DCAF6: variants seen among roughly 807,000 people sequenced by gnomAD.
DCAF6 encodes the protein DDB1 and CUL4 associated factor 6.
DCAF6 carries 54 observed loss-of-function variants against 125.1 expected under a neutral mutation model. The ratio of observed to expected loss-of-function variants is 0.43; its 90% confidence interval spans 0.35 to 0.54. The LOEUF (loss-of-function observed/expected upper bound fraction) is 0.54, where lower values mean the gene tolerates loss of function less well. Among genes scored for constraint, DCAF6 ranks in the 20% least tolerant of loss-of-function variants. The pLI is 0.01. For synonymous variants in DCAF6, 371 were observed against 390.4 expected, an observed-to-expected ratio of 0.95 and a Z score of 0.58; for missense variants, 934 against 1,161.7, an observed-to-expected ratio of 0.80 and a Z score of 2.85.
chr1:167,996,315 C>T (rs1018405507), intron 7 of DCAF6, among the ~76,000 whole-genome samples: 1 of 151,888 alleles, frequency 6.6e-6, no homozygotes, highest in African/African-American at 2.4e-5. Flanking sequence ...TTACCACCTG[C>T]CCTACCCCAT....
chr1:167,866,133 G>C, the DCAF6 span, among the ~76,000 whole-genome samples: 1 of 152,180 alleles, frequency 6.6e-6, no homozygotes, highest in Non-Finnish European at 1.5e-5. Context: ...TGGTATTGTG[G>C]TGGACCTTTA....
At chr1:167,870,510 G>C in the DCAF6 span, 1 of 1,110,916 alleles carries the variant, frequency 9.0e-7, no homozygotes, top group Non-Finnish European at 1.3e-6. Flanking sequence ...AAATATCCTT[G>C]GGCCAGGCGC....
chr1:167,971,789 A>T (rs1013911738), intron 3 of DCAF6, among the ~76,000 whole-genome samples: 3 of 152,246 alleles, frequency 2.0e-5, no homozygotes, highest in Non-Finnish European at 4.4e-5. Context: ...AGAATAACTC[A>T]TAATGCATTG....
chr1:167,980,037 T>TG (rs1284752376), intron 4 of DCAF6, among the ~76,000 whole-genome samples: 3 of 150,898 alleles, frequency 2.0e-5, no homozygotes, highest in Admixed American at 1.3e-4. Flanking sequence ...AAAAATTAGC[T>TG]GGATGTGGTG....
intron 1 of DCAF6, among the ~76,000 whole-genome samples, chr1:167,944,757 G>A (rs997476154): frequency 2.0e-5 from 3 of 152,116 alleles, no homozygotes; most frequent in Non-Finnish European, 4.4e-5. Context: ...AACAGGATTG[G>A]TTGTCTCTTC....
chr1:168,039,080 A>AT (rs1462696695), intron 13 of DCAF6, among the ~76,000 whole-genome samples: 1 of 151,804 alleles, frequency 6.6e-6, no homozygotes, highest in Non-Finnish European at 1.5e-5. Context: ...TTTGTTTACC[A>AT]TTTTTTACCA....
intron 10 of DCAF6, among the ~76,000 whole-genome samples, chr1:168,006,915 C>T (rs1683410098): frequency 6.6e-6 from 1 of 152,160 alleles, no homozygotes; most frequent in Admixed American, 6.5e-5. Flanking sequence ...TTCTCTTAGT[C>T]TACAGTGGAA....
At chr1:168,070,605 A>G (rs1239191015) in intron 21 of DCAF6, among the ~76,000 whole-genome samples, 4 of 152,212 alleles carry the variant, frequency 2.6e-5, no homozygotes, top group African/African-American at 4.8e-5. Flanking sequence ...CTCACCTGCT[A>G]AAGATTCTGG....
intron 16 of DCAF6, among the ~76,000 whole-genome samples, chr1:168,050,122 G>GA (rs1364515508): frequency 2.7e-5 from 4 of 149,664 alleles, no homozygotes; most frequent in Non-Finnish European, 1.5e-5. Context: ...ACATAGTCTT[G>GA]AATAGTTTTT....
the DCAF6 span, chr1:167,918,064 G>T: frequency 3.1e-6 from 1 of 326,588 alleles, no homozygotes. Context: ...AAGGAGGCAG[G>T]GGGTATATAC....
chr1:168,055,067 A>G lies in DCAF6; in HGVS notation c.2300+4134A>G, dbSNP rs1690461191. Among the ~76,000 whole-genome samples, 4 of 152,080 alleles carry G rather than the reference A, an allele frequency of 2.6e-5. No homozygotes were observed. In the South Asian group the frequency reaches 8.3e-4, roughly 32 times the overall value. ...ATTCAGAATTATAATGAGCATTTCC[A>G]ATGAACCATAAATACATGGAATTTA... On this transcript the variant is annotated intron_variant, in intron 17 of 21. Transcript: ENST00000367840.
At chr1:167,908,057 C>G in the DCAF6 span, among the ~76,000 whole-genome samples, 3 of 152,198 alleles carry the variant, frequency 2.0e-5, no homozygotes, top group Admixed American at 6.5e-5. Context: ...AATCCCACAT[C>G]TGGGTATATA....
intron 8 of DCAF6, 118 bp downstream of exon 8, chr1:168,002,693 A>G (rs943064008): frequency 4.5e-6 from 3 of 659,348 alleles, no homozygotes; most frequent in Non-Finnish European, 7.3e-6. Context: ...ACATATAGGT[A>G]TACTTATGCA....
Position 168,043,026 on chromosome 1 carries a change from A to G in DCAF6, c.1729A>G (p.Ser577Gly), listed in dbSNP as rs1244557793. ...TCACTTATCTTGTTTTGATGATAGG[A>G]GCAGTATAGCATCAAGTTCTAGAGG... is the stretch of plus-strand genomic sequence containing the variant. ...TIKLNFTDEW[S>G]SIASSSRGIG... Residue 577 changes from serine (S) to glycine (G), a missense_variant and splice_region_variant, in exon 14 of 22, where the codon AGC (serine) becomes GGC (glycine). Coordinates refer to ENST00000367840, the MANE Select transcript of DCAF6 (RefSeq NM_001198956.2). The G allele has an allele frequency of 1.2e-5, 19 of 1,599,180 alleles. No homozygotes were observed. The highest frequency in any genetic ancestry group is 1.6e-5 in the Non-Finnish European group (19 of 1,167,314).
chr1:167,905,036 A>G, the DCAF6 span: 4 of 1,614,060 alleles, frequency 2.5e-6, no homozygotes, highest in Non-Finnish European at 3.4e-6. Flanking sequence ...AATAATCCAT[A>G]AAGGGTCGCT....
rs1234184753 is a variant in DCAF6 at position 167,977,356 on chromosome 1, G to A, written c.438+2341G>A. 4.0e-5 allele frequency among the ~76,000 whole-genome samples: 6 copies of A among 150,684 alleles called. No individual in the cohort carries two copies. In the Admixed American group the frequency reaches 4.0e-4, roughly 10 times the overall value. ...TTTAAATGCCAGTTCTTCAAAGATA[G>A]TTTTGCTGGGCATGGATTTCATTTG... On this transcript the variant is annotated intron_variant, in intron 4 of 21. Transcript: ENST00000367840.
chr1:168,045,271 C>T (rs1385424845), intron 16 of DCAF6, 44 bp downstream of exon 16: 3 of 1,503,912 alleles, frequency 2.0e-6, no homozygotes, highest in Middle Eastern at 1.8e-4. Context: ...AAATGTATTT[C>T]ACAAGGATTT....
chr1:168,032,102 A>T (rs1284052757), intron 12 of DCAF6, among the ~76,000 whole-genome samples: 1 of 152,232 alleles, frequency 6.6e-6, no homozygotes, highest in Non-Finnish European at 1.5e-5. Context: ...CATAGAGTTG[A>T]GTTGTGATTG....
the DCAF6 span, chr1:167,904,961 C>T: frequency 6.2e-7 from 1 of 1,614,034 alleles, no homozygotes; most frequent in Admixed American, 1.7e-5. Context: ...TGTTGCTCAT[C>T]CACATTAAAC....
Sources: gnomAD v4.1 joint callset for allele counts (sites outside exome capture counted in the v4.1 genomes callset) on GRCh38, gnomAD v4.1.1 for gene constraint, MANE v1.5 for transcripts, NCBI Gene and HGNC (gene_info 2026-07-23, HGNC 2026-07-21) for gene names.